GRIK1: variants seen among roughly 807,000 people sequenced by gnomAD.
The protein encoded by GRIK1 is glutamate receptor ionotropic, kainate 1.
A neutral mutation model predicts 105.7 loss-of-function variants in GRIK1; 69 were observed. That is an observed-to-expected ratio of 0.65 (90% CI 0.54 to 0.80). GRIK1 has a LOEUF of 0.80. Among genes scored for constraint, GRIK1 ranks in the 30% least tolerant of loss-of-function variants. GRIK1 has a pLI of 0.00. For missense variants in GRIK1, 1,109 were observed against 1,167.3 expected (o/e 0.95, Z 0.73); for synonymous variants, 438 against 431.3 (o/e 1.02, Z -0.19).
At position 29,658,221 on chromosome 21, in the gene GRIK1, G is replaced by A. The variant is rs201311043; in HGVS notation, c.727-3358C>T. Among the ~76,000 whole-genome samples, 50 of 152,034 alleles carry A rather than the reference G, an allele frequency of 3.3e-4. 1 individual carries two copies. The East Asian group carries it at 9.7e-3, about 29-fold the overall frequency. On this transcript the variant is annotated intron_variant, in intron 4 of 17. Transcript: ENST00000327783. ...TATGGATAGCATATTCCTCCGAATT[G>A]CTTCCACTAATATGTTCTTCTAATA... is the stretch of plus-strand genomic sequence containing the variant.
At chr21:29,772,324 CTT>C (rs2065833325) in intron 1 of GRIK1, among the ~76,000 whole-genome samples, 1 of 152,100 alleles carries the variant, frequency 6.6e-6, no homozygotes, top group South Asian at 2.1e-4. Context: ...GAAAAAATGA[CTT>C]TAGATAAAAA....
At chr21:29,723,869 C>T (rs1381866912) in intron 1 of GRIK1, among the ~76,000 whole-genome samples, 3 of 152,072 alleles carry the variant, frequency 2.0e-5, no homozygotes, top group African/African-American at 7.2e-5. Context: ...AAGAAACTAA[C>T]TGCCCTTTCT....
chr21:29,585,267 T>C (rs2091105864), intron 12 of GRIK1, among the ~76,000 whole-genome samples: 1 of 151,956 alleles, frequency 6.6e-6, no homozygotes, highest in Admixed American at 6.6e-5. Context: ...TCCAAAAATA[T>C]GGAGGTCTGG....
chr21:29,650,144 G>T (rs989383664), intron 6 of GRIK1, among the ~76,000 whole-genome samples: 35 of 152,110 alleles, frequency 2.3e-4, no homozygotes, highest in African/African-American at 7.7e-4. Context: ...TTGAAAAACA[G>T]TTAGGGAGCC....
At chr21:29,597,888 C>T (rs363463) in intron 8 of GRIK1, among the ~76,000 whole-genome samples, 5,876 of 152,036 alleles carry the variant, frequency 0.039, 150 homozygotes, top group East Asian at 0.094. Context: ...AGCAAGAAAA[C>T]GGAAATGAAA....
intron 1 of GRIK1, among the ~76,000 whole-genome samples, chr21:29,872,830 C>T (rs990830238): frequency 6.6e-6 from 1 of 152,150 alleles, no homozygotes; most frequent in African/African-American, 2.4e-5. Context: ...TCAATTACCC[C>T]CCACTGGGTC....
chr21:29,660,539 C>T (rs564767422), intron 4 of GRIK1, among the ~76,000 whole-genome samples: 1 of 152,316 alleles, frequency 6.6e-6, no homozygotes, highest in African/African-American at 2.4e-5. Context: ...TTCTCAGCAA[C>T]CATCACTAAG....
At chr21:29,860,751 A>C (rs1279051008) in intron 1 of GRIK1, among the ~76,000 whole-genome samples, 6 of 152,182 alleles carry the variant, frequency 3.9e-5, no homozygotes, top group African/African-American at 1.4e-4. Context: ...TGTAGAGTGA[A>C]AGAAGCAGTG....
intron 7 of GRIK1, among the ~76,000 whole-genome samples, chr21:29,604,161 C>T (rs1215562642): frequency 6.6e-6 from 1 of 152,146 alleles, no homozygotes; most frequent in South Asian, 2.1e-4. Context: ...TGATTTTATT[C>T]TTGAACTTAG....
chr21:29,921,786 A>G (rs1206786710), intron 1 of GRIK1, among the ~76,000 whole-genome samples: 1 of 152,178 alleles, frequency 6.6e-6, no homozygotes, highest in African/African-American at 2.4e-5. Flanking sequence ...AAACTTGACA[A>G]ATAGAATTGG....
chr21:29,835,234 G>T (rs368912203), intron 1 of GRIK1, among the ~76,000 whole-genome samples: 1 of 152,102 alleles, frequency 6.6e-6, no homozygotes, highest in Non-Finnish European at 1.5e-5. Context: ...TACCCTACTA[G>T]CCTGCAGCAC....
rs551115020 is a variant in GRIK1, at chr21:29,772,962, T to C, written c.119-78899A>G. 2.8e-4 allele frequency among the ~76,000 whole-genome samples: 43 copies of C among 152,332 alleles called. 2 individuals are homozygous for C. The South Asian group carries it at 8.7e-3, about 31-fold the overall frequency. On this transcript the variant is annotated intron_variant, in intron 1 of 17. Coordinates refer to ENST00000327783, the MANE Select transcript of GRIK1 (RefSeq NM_001330994.2). ...AATGATTGGAAAATTTTTTAACCTG[T>C]ATTGCTCCATTTAGTAATACAGGGG...
chr21:29,651,309 G>C lies in GRIK1; in HGVS notation c.781-18C>G, dbSNP rs1483233488. ...AATAAGTCCTGCATAGTATCAAAAA[G>C]GATAACAGTGGAAAATAATTAGAAT... On this transcript the variant is annotated intron_variant, in intron 5 of 17. Coordinates refer to ENST00000327783, the MANE Select transcript of GRIK1 (RefSeq NM_001330994.2). 3 of 1,523,612 alleles carry C rather than the reference G, an allele frequency of 2.0e-6. No individual in the cohort carries two copies. The African/African-American group carries it at 4.2e-5, about 21-fold the overall frequency. The allele number at this position is 1,523,612 out of a possible 1,614,324, so 94.4% of individuals were successfully genotyped here.
chr21:29,679,185 T>A lies in GRIK1; in HGVS notation c.545-6021A>T, dbSNP rs2268207. ...GTATGTTTTCTCCCAGGGTTGATTG[T>A]TTTTTTCAATCACTGCCACTGTTAG... is the stretch of plus-strand genomic sequence containing the variant. On this transcript the variant is annotated intron_variant, in intron 3 of 17. Transcript: ENST00000327783. Among the ~76,000 whole-genome samples, 7 of 152,256 alleles carry A rather than the reference T, an allele frequency of 4.6e-5. No individual in the cohort carries two copies. The East Asian group carries it at 1.4e-3, about 29-fold the overall frequency.
At chr21:29,794,418 C>A (rs1159199349) in intron 1 of GRIK1, among the ~76,000 whole-genome samples, 3 of 152,140 alleles carry the variant, frequency 2.0e-5, no homozygotes, top group African/African-American at 7.2e-5. Flanking sequence ...CTTTTAAAAG[C>A]CCAGCAAATA....
chr21:29,823,654 G>A (rs2067366530), intron 1 of GRIK1, among the ~76,000 whole-genome samples: 1 of 151,798 alleles, frequency 6.6e-6, no homozygotes, highest in Non-Finnish European at 1.5e-5. Context: ...TTACAAATAA[G>A]GCTGATCTGA....
In GRIK1 at chr21:29,689,746, C is replaced by T. The variant is rs375708929; in HGVS notation, c.526G>A (p.Val176Met). 5 of 1,613,686 alleles carry T rather than the reference C, an allele frequency of 3.1e-6. No homozygotes were observed. In the African/African-American group the frequency reaches 5.3e-5, roughly 17 times the overall value. Reference protein sequence around the residue: ...LYYNWKTVTVVYEDSTGLIRL... With the variant: ...LYYNWKTVTVMYEDSTGLIRL... ...CCCATACCTGTGCTGTCTTCATACA[C>T]CACTGTCACTGTTTTCCAGTTGTAA... The change falls in exon 3 of 18, where the codon GTG (valine) becomes ATG (methionine). Residue 176 changes from valine (V) to methionine (M), a missense_variant. Val to Met is a conservative substitution (Grantham distance 21). Around this residue, in one of 5 missense-constraint regions of GRIK1, gnomAD observed 612 missense variants for 586.0 expected, o/e 1.04. Coordinates refer to ENST00000327783, the MANE Select transcript of GRIK1 (RefSeq NM_001330994.2).
At chr21:29,885,350 C>A (rs2035888192) in intron 1 of GRIK1, among the ~76,000 whole-genome samples, 1 of 151,978 alleles carries the variant, frequency 6.6e-6, no homozygotes, top group African/African-American at 2.4e-5. Context: ...CATACCACAA[C>A]CCTGACCTAG....
At chr21:29,883,252 ATTTAC>A (rs2069491435) in intron 1 of GRIK1, among the ~76,000 whole-genome samples, 1 of 152,134 alleles carries the variant, frequency 6.6e-6, no homozygotes, top group African/African-American at 2.4e-5. Flanking sequence ...AACCATTTAA[ATTTAC>A]TTTATAAACT....
Sources: allele counts gnomAD v4.1 joint callset (sites outside exome capture counted in the v4.1 genomes callset), GRCh38; gene constraint gnomAD v4.1.1; regional missense constraint gnomAD v4.1.1; transcripts MANE v1.5; gene names NCBI Gene and HGNC (gene_info 2026-07-23, HGNC 2026-07-21).